The following ZNF571 variants were observed in gnomAD, a reference collection of about 807,000 sequenced individuals.
The protein encoded by ZNF571 is zinc finger protein 571.
ZNF571 carries 4 observed loss-of-function variants against 7.7 expected under a neutral mutation model. The ratio of observed to expected loss-of-function variants is 0.52; its 90% CI spans 0.25 to 1.18. ZNF571 has a LOEUF of 1.18. ZNF571 is among the 50% of genes most tolerant of loss of function. The pLI is 0.14. For synonymous variants in ZNF571, 251 were observed against 232.4 expected, an observed-to-expected ratio of 1.08 and a Z score of -0.73; for missense variants, 704 against 726.9, an observed-to-expected ratio of 0.97 and a Z score of 0.36.
chr19:37,581,210 T>C (rs1005012346), intron 3 of ZNF571, among the ~76,000 whole-genome samples: 11 of 152,232 alleles, frequency 7.2e-5, no homozygotes, highest in African/African-American at 2.7e-4. Flanking sequence ...TTCTAATCAT[T>C]TCATTCCCAA....
chr19:37,588,099 CAAAAAAAAAAAA>C (rs58516591), intron 1 of ZNF571, among the ~76,000 whole-genome samples: 2 of 45,744 alleles, frequency 4.4e-5, no homozygotes, highest in Non-Finnish European at 7.6e-5. Flanking sequence ...GACTCCATCT[CAAAAAAAAAAAA>C]AAAAAAAAAA....
In ZNF571 at chr19:37,565,405, C is replaced by T; in HGVS notation, c.1023G>A (p.Gly341=). 1 of 1,613,528 alleles carries T rather than the reference C, an allele frequency of 6.2e-7. No individual in the cohort carries two copies. Among genetic ancestry groups the T allele is most frequent in the Non-Finnish European group, 8.5e-7 (1 of 1,179,826 alleles). ...GTTGGGAGGCACATAAAAAGGCTTT[C>T]CCACATTCTTTACATATGTAAGGCT... ...GEKPYICKEC[G]KAFLCASQLN... Residue 341 remains glycine, a synonymous_variant, in exon 4 of 4, where the codon GGG becomes GGA. Coordinates refer to ENST00000451802, the MANE Select transcript of ZNF571 (RefSeq NM_016536.5).
intron 3 of ZNF571, among the ~76,000 whole-genome samples, chr19:37,581,732 G>A (rs2043472194): frequency 6.6e-6 from 1 of 151,494 alleles, no homozygotes; most frequent in African/African-American, 2.4e-5. Flanking sequence ...CAAAGTACTG[G>A]GATTACAGGC....
rs1427996928 is a variant in ZNF571 at position 37,565,457 on chromosome 19, T to C, written c.971A>G (p.Tyr324Cys). ...TTCACCAGTATGAACTCTCTGATGGTATGTAAGGTGTGAACCAAGAATAAA... is the reference window on the plus strand; with the variant it reads ...TTCACCAGTATGAACTCTCTGATGGCATGTAAGGTGTGAACCAAGAATAAA... ...KAFILGSHLT[Y>C]HQRVHTGEKP... The change falls in exon 4 of 4, where the codon TAC becomes TGC. Residue 324 changes from tyrosine to cysteine, a missense_variant. Tyr to Cys is a radical substitution (Grantham distance 194). Transcript: ENST00000451802. The C allele has an allele frequency of 1.9e-6, 3 of 1,613,050 alleles. No individual in the cohort carries two copies. The highest frequency in any genetic ancestry group is 2.2e-5 in the East Asian group (1 of 44,848).
intron 3 of ZNF571, among the ~76,000 whole-genome samples, chr19:37,581,463 T>C (rs1361912697): frequency 1.3e-5 from 2 of 150,042 alleles, no homozygotes; most frequent in African/African-American, 5.0e-5. Flanking sequence ...TCTTTCTTTC[T>C]TTCTTTTTTT....
chr19:37,574,075 C>A (rs1413552451), intron 3 of ZNF571, among the ~76,000 whole-genome samples: 1 of 152,114 alleles, frequency 6.6e-6, no homozygotes, highest in African/African-American at 2.4e-5. Context: ...GCTCTGGATC[C>A]ATTATTCGTA....
rs1204418513 is a variant in ZNF571, at chr19:37,564,544, A to G, written c.*54T>C. ...AGAAGCAAGATGTTCTACATTCATT[A>G]TAGATATGAAATAGATGAAGATTTT... On this transcript the variant is annotated 3_prime_UTR_variant, in exon 4 of 4. Coordinates refer to ENST00000451802, the MANE Select transcript of ZNF571 (RefSeq NM_016536.5). The G allele has an allele frequency of 7.0e-6, 10 of 1,429,374 alleles. No individual in the cohort carries two copies. In the African/African-American group the frequency reaches 1.3e-4, roughly 18 times the overall value. The allele number at this position is 1,429,374 out of a possible 1,614,324, so 88.5% of individuals were successfully genotyped here. A position where few individuals can be genotyped will look rare whatever the true frequency, so the allele number is the denominator to read the frequency against.
chr19:37,584,837 A>G (rs1409987374), intron 2 of ZNF571, among the ~76,000 whole-genome samples: 1 of 151,892 alleles, frequency 6.6e-6, no homozygotes, highest in East Asian at 1.9e-4. Flanking sequence ...GATGGTGGGC[A>G]CCTGTAGTCC....
chr19:37,579,520 G>GAATAT (rs2043371358), intron 3 of ZNF571, among the ~76,000 whole-genome samples: 1 of 150,794 alleles, frequency 6.6e-6, no homozygotes, highest in Non-Finnish European at 1.5e-5. Context: ...AAATGGTGCT[G>GAATAT]GGATAACTGG....
At chr19:37,588,702 A>G (rs556849732) in intron 1 of ZNF571, among the ~76,000 whole-genome samples, 46 of 152,312 alleles carry the variant, frequency 3.0e-4, no homozygotes, top group Non-Finnish European at 6.2e-4. Flanking sequence ...CCCTGAATCT[A>G]AAATAAAAGT....
chr19:37,578,972 C>A (rs1331205985), intron 3 of ZNF571, among the ~76,000 whole-genome samples: 1 of 152,062 alleles, frequency 6.6e-6, no homozygotes, highest in Non-Finnish European at 1.5e-5. Flanking sequence ...GCGCCACGTG[C>A]TCCGCAGCTG....
intron 1 of ZNF571, among the ~76,000 whole-genome samples, chr19:37,591,823 C>T (rs559103312): frequency 8.6e-5 from 13 of 152,044 alleles, no homozygotes; most frequent in African/African-American, 1.2e-4. Context: ...GGATTACAGG[C>T]GTGAGCCACC....
In ZNF571 at chr19:37,565,106, T is replaced by A; in HGVS notation, c.1322A>T (p.His441Leu). The change falls in exon 4 of 4, where the codon CAT (histidine) becomes CTT (leucine). Residue 441 changes from histidine to leucine, a missense_variant. Transcript: ENST00000451802. ...ACATTCAAAGGGTTTCTCACCTGTATGAATTCTCTGATGTTCACTAAGTTG... is the reference window on the plus strand; with the variant it reads ...ACATTCAAAGGGTTTCTCACCTGTAAGAATTCTCTGATGTTCACTAAGTTG... The part of the protein sequence containing the change: ...GKQLSEHQRI[H>L]TGEKPFECKE... 1 of 1,613,428 alleles carries A rather than the reference T, an allele frequency of 6.2e-7. No homozygotes were observed. Among genetic ancestry groups the A allele is most frequent in the Non-Finnish European group, 8.5e-7 (1 of 1,179,514 alleles).
At chr19:37,593,160 T>A (rs908196912) in intron 1 of ZNF571, among the ~76,000 whole-genome samples, 20 of 152,176 alleles carry the variant, frequency 1.3e-4, no homozygotes, top group African/African-American at 4.3e-4. Flanking sequence ...AGCATCATGG[T>A]TATTTTAAAA....
intron 3 of ZNF571, chr19:37,575,856 G>A (rs1323783160): frequency 3.3e-5 from 5 of 152,148 alleles, no homozygotes; most frequent in African/African-American, 1.2e-4. Context: ...AAACCATAAA[G>A]TGTTAATTAC....
intron 3 of ZNF571, among the ~76,000 whole-genome samples, chr19:37,577,562 A>G (rs571310616): frequency 2.5e-4 from 38 of 152,340 alleles, no homozygotes; most frequent in Admixed American, 7.2e-4. Flanking sequence ...TGAATTAACA[A>G]CAATTTTACA....
chr19:37,585,754 A>G (rs1342173045), intron 2 of ZNF571: 1 of 152,212 alleles, frequency 6.6e-6, no homozygotes, highest in African/African-American at 2.4e-5. Flanking sequence ...ACCTTACCTT[A>G]CATGGCAAAG....
At position 37,565,127 on chromosome 19, in the gene ZNF571, A is replaced by C; in HGVS notation, c.1301T>G (p.Leu434Arg). ...CGKAFICGKQ[L>R]SEHQRIHTGE... ...TGTATGAATTCTCTGATGTTCACTA[A>C]GTTGTTTGCCACAAATAAAGGCCTT... Residue 434 changes from leucine (L) to arginine (R), a missense_variant, in exon 4 of 4, where the codon CTT (leucine) becomes CGT (arginine). By Grantham distance (102) the Leu-to-Arg change is moderately radical (BLOSUM62 -2). Transcript: ENST00000451802. 6.2e-7 allele frequency: 1 copy of C among 1,613,086 alleles called. No homozygotes were observed. The highest frequency in any genetic ancestry group is 8.5e-7 in the Non-Finnish European group (1 of 1,179,414).
At chr19:37,570,502 A>G (rs553538846) in intron 3 of ZNF571, among the ~76,000 whole-genome samples, 1 of 152,346 alleles carries the variant, frequency 6.6e-6, no homozygotes, top group African/African-American at 2.4e-5. Flanking sequence ...ACTCAATGTT[A>G]ATTTTTCTAC....
Sources: allele counts gnomAD v4.1 joint callset (sites outside exome capture counted in the v4.1 genomes callset), GRCh38; gene constraint gnomAD v4.1.1; transcripts MANE v1.5; gene names NCBI Gene and HGNC (gene_info 2026-07-23, HGNC 2026-07-21).